SEMA3A: variants seen among roughly 807,000 people sequenced by gnomAD.
The protein encoded by SEMA3A is semaphorin-3A.
A neutral mutation model predicts 97.9 loss-of-function variants in SEMA3A; 29 were observed. That is an observed-to-expected ratio of 0.30 (90% CI 0.22 to 0.40). The LOEUF (loss-of-function observed/expected upper bound fraction) is 0.40. Ranked by LOEUF, SEMA3A falls within the 10% of genes least tolerant of loss-of-function variation. SEMA3A has a pLI of 1.00. For synonymous variants in SEMA3A, 321 were observed against 323.7 expected (o/e 0.99, Z 0.09); for missense variants, 763 against 951.3 (o/e 0.80, Z 2.60).
At chr7:84,160,504 G>T (rs192610146) in intron 1 of SEMA3A, among the ~76,000 whole-genome samples, 1 of 151,144 alleles carries the variant, frequency 6.6e-6, no homozygotes, top group Non-Finnish European at 1.5e-5. Context: ...AGCCGAGATC[G>T]CACCACTGCA....
At chr7:84,300,927 A>C (rs1465025248) in intron 3 of SEMA3A, among the ~76,000 whole-genome samples, 1 of 152,136 alleles carries the variant, frequency 6.6e-6, no homozygotes. Context: ...CTGGGCCTTA[A>C]AACAACTCTG....
intron 4 of SEMA3A, among the ~76,000 whole-genome samples, chr7:84,086,469 ATGTAT>A (rs1562769911): frequency 2.8e-5 from 3 of 107,144 alleles, no homozygotes; most frequent in African/African-American, 1.4e-4. Flanking sequence ...CATATATAAT[ATGTAT>A]TATTATATTA....
intron 3 of SEMA3A, among the ~76,000 whole-genome samples, chr7:84,264,401 C>T (rs1014127336): frequency 1.3e-5 from 2 of 152,096 alleles, no homozygotes; most frequent in Admixed American, 1.3e-4. Flanking sequence ...GGGCTTCTGG[C>T]TAAGGATGGC....
intron 1 of SEMA3A, among the ~76,000 whole-genome samples, chr7:84,140,912 T>A (rs1796274888): frequency 6.6e-6 from 1 of 152,160 alleles, no homozygotes; most frequent in Non-Finnish European, 1.5e-5. Context: ...AACAAAATGA[T>A]CAAAATGAGC....
intron 1 of SEMA3A, among the ~76,000 whole-genome samples, chr7:84,175,562 T>A (rs569812883): frequency 3.3e-5 from 5 of 152,308 alleles, no homozygotes; most frequent in South Asian, 2.1e-4. Context: ...GTAGTCTGTA[T>A]CATTTAAGAC....
chr7:84,196,893 CTAGAA>C (rs1490296202), upstream of SEMA3A, among the ~76,000 whole-genome samples: 56 of 151,614 alleles, frequency 3.7e-4, no homozygotes, highest in Middle Eastern at 6.9e-3. Context: ...CTCTTGTTTT[CTAGAA>C]TAGAAGAGCA....
intron 4 of SEMA3A, among the ~76,000 whole-genome samples, chr7:84,072,589 T>TTA (rs1282696887): frequency 3.3e-5 from 5 of 152,192 alleles, no homozygotes; most frequent in Admixed American, 3.3e-4. Flanking sequence ...TATGTAAGTC[T>TTA]TTGAAGCACT....
At chr7:84,258,866 A>G (rs1214617778) in intron 3 of SEMA3A, among the ~76,000 whole-genome samples, 1 of 152,006 alleles carries the variant, frequency 6.6e-6, no homozygotes, top group Non-Finnish European at 1.5e-5. Flanking sequence ...TCTTATTCCA[A>G]AACCAACACT....
chr7:84,100,525 A>G (rs7780843), intron 4 of SEMA3A, among the ~76,000 whole-genome samples: 1 of 151,916 alleles, frequency 6.6e-6, no homozygotes, highest in African/African-American at 2.4e-5. Flanking sequence ...TTTAAAGTAC[A>G]GGATATATAT....
At chr7:84,219,592 T>C (rs1381881204) in intron 3 of SEMA3A, among the ~76,000 whole-genome samples, 5 of 152,242 alleles carry the variant, frequency 3.3e-5, no homozygotes, top group Admixed American at 1.3e-4. Context: ...TCAACTATAC[T>C]GCGGTCTATT....
chr7:84,208,248 C>A (rs865805187), intron 3 of SEMA3A, among the ~76,000 whole-genome samples: 4 of 152,010 alleles, frequency 2.6e-5, no homozygotes, highest in South Asian at 4.2e-4. Context: ...GTCAGGAGAT[C>A]GAGACCATCC....
chr7:84,030,504 A>T (rs1300081089), intron 6 of SEMA3A, among the ~76,000 whole-genome samples: 1 of 141,338 alleles, frequency 7.1e-6, no homozygotes, highest in Non-Finnish European at 1.5e-5. Context: ...CACCAAAAAG[A>T]TATAGTACAG....
At chr7:83,991,539 A>C (rs1394811951) in intron 12 of SEMA3A, among the ~76,000 whole-genome samples, 2 of 151,704 alleles carry the variant, frequency 1.3e-5, no homozygotes, top group African/African-American at 4.9e-5. Context: ...AGGGTTGTTG[A>C]ATTTTGTCAA....
chr7:84,168,608 A>C (rs1287947704), intron 1 of SEMA3A, among the ~76,000 whole-genome samples: 1 of 151,934 alleles, frequency 6.6e-6, no homozygotes, highest in Non-Finnish European at 1.5e-5. Context: ...CCAAATTAAA[A>C]TAGCATGTTT....
chr7:84,034,942 C>T (rs374282451), intron 6 of SEMA3A, among the ~76,000 whole-genome samples: 56 of 152,214 alleles, frequency 3.7e-4, no homozygotes, highest in East Asian at 1.9e-3. Flanking sequence ...CACAAAGAAA[C>T]GGTTTCCACT....
chr7:84,324,696 A>T (rs2115923554), intron 2 of SEMA3A, among the ~76,000 whole-genome samples: 1 of 152,284 alleles, frequency 6.6e-6, no homozygotes, highest in East Asian at 1.9e-4. Context: ...ACTTCAATTT[A>T]TTATGAAGCA....
intron 3 of SEMA3A, among the ~76,000 whole-genome samples, chr7:84,254,183 T>G (rs17158787): frequency 0.017 from 2,658 of 152,262 alleles, 78 homozygotes; most frequent in African/African-American, 0.061. Context: ...CTTCTCATGA[T>G]GACAACAAGG....
intron 1 of SEMA3A, among the ~76,000 whole-genome samples, chr7:84,150,396 G>A (rs900842644): frequency 6.6e-6 from 1 of 152,222 alleles, no homozygotes; most frequent in African/African-American, 2.4e-5. Flanking sequence ...CTGTGCGCGA[G>A]CCGAAGCAGG....
intron 1 of SEMA3A, among the ~76,000 whole-genome samples, chr7:84,460,921 A>C (rs1478794817): frequency 6.6e-6 from 1 of 152,244 alleles, no homozygotes; most frequent in Non-Finnish European, 1.5e-5. Context: ...GCTTCATTAA[A>C]ATGCCTATAC....
Sources: allele counts gnomAD v4.1 joint callset (sites outside exome capture counted in the v4.1 genomes callset), GRCh38; gene constraint gnomAD v4.1.1; transcripts MANE v1.5; gene names NCBI Gene and HGNC (gene_info 2026-07-23, HGNC 2026-07-21).